SRP68: variants seen among roughly 807,000 people sequenced by gnomAD.
SRP68 encodes signal recognition particle 68.
In SRP68, 15 loss-of-function variants were observed where a neutral mutation model predicts 82.2. That is an observed-to-expected ratio of 0.18 (90% confidence interval 0.12 to 0.28). SRP68 has a LOEUF of 0.28. Ranked by LOEUF, SRP68 falls within the 10% of genes least tolerant of loss-of-function variation. The pLI is 1.00. For missense variants in SRP68, 595 were observed against 780.5 expected (o/e 0.76, Z 2.83); for synonymous variants, 261 against 292.6 (o/e 0.89, Z 1.10).
intron 6 of SRP68, 37 bp from the exon 7 acceptor site, chr17:76,060,427 G>C (rs1271386355): frequency 6.5e-7 from 1 of 1,530,456 alleles, no homozygotes; most frequent in Admixed American, 1.7e-5. Context: ...CAAGGGTCTG[G>C]TCTGTTTTCT....
chr17:76,045,696 A>C (rs2066625093), intron 11 of SRP68, among the ~76,000 whole-genome samples: 1 of 152,162 alleles, frequency 6.6e-6, no homozygotes, highest in South Asian at 2.1e-4. Context: ...GCATCTACTC[A>C]GATGCCTTGA....
In SRP68 at chr17:76,039,578, G is replaced by C. The variant is rs2066573355; in HGVS notation, c.*128C>G. Reference sequence around the variant, plus strand: ...ACAGACACAAGATGTAGGAATGCAGGGCCGAAGATGTTAAACTCTTGCCCC... The same window carrying C: ...ACAGACACAAGATGTAGGAATGCAGCGCCGAAGATGTTAAACTCTTGCCCC... On this transcript the variant is annotated 3_prime_UTR_variant, in exon 16 of 16. Transcript: ENST00000307877. 1 of 864,462 alleles carries C rather than the reference G, an allele frequency of 1.2e-6. No homozygotes were observed. The highest frequency in any genetic ancestry group is 1.8e-6 in the Non-Finnish European group (1 of 556,122). 53.5% of individuals were successfully genotyped at this position (864,462 alleles called of 1,614,324 possible). A position where few individuals can be genotyped will look rare whatever the true frequency, so the allele number is the denominator to read the frequency against.
chr17:76,051,351 G>A (rs888703792), intron 8 of SRP68, among the ~76,000 whole-genome samples: 11 of 152,294 alleles, frequency 7.2e-5, no homozygotes, highest in Admixed American at 4.6e-4. Context: ...AGGCAGAAAG[G>A]GGATGAACCT....
intron 7 of SRP68, among the ~76,000 whole-genome samples, chr17:76,058,423 T>C (rs1445659768): frequency 6.6e-6 from 1 of 152,044 alleles, no homozygotes; most frequent in Non-Finnish European, 1.5e-5. Flanking sequence ...GCCCAGCCTC[T>C]GAAAAAAATT....
Position 76,072,428 on chromosome 17 carries a change from T to TGCCACC in SRP68, c.58_63dup (p.Gly20_Gly21dup), listed in dbSNP as rs2066861755. 2.5e-6 allele frequency: 4 copies of TGCCACC among 1,585,616 alleles called. No individual in the cohort carries two copies. The highest frequency in any genetic ancestry group is 1.4e-5 in the African/African-American group (1 of 73,808). On this transcript the variant is annotated inframe_insertion, in exon 1 of 16. Coordinates refer to ENST00000307877, the MANE Select transcript of SRP68 (RefSeq NM_014230.4). The surrounding 1 kb of genome is among the most constrained non-coding windows in gnomAD (Gnocchi z 4.5). ...CCACCGCCGCTACCGCCGCCGCCAC[T>TGCCACC]GCCACCGCCGCCGCCACTGCCGCCG...
chr17:76,054,358 C>T (rs933491523), intron 8 of SRP68, among the ~76,000 whole-genome samples: 1 of 152,096 alleles, frequency 6.6e-6, no homozygotes, highest in African/African-American at 2.4e-5. Flanking sequence ...CACACCCCTA[C>T]TATGGGGACA....
rs964306994 is a variant in SRP68, at chr17:76,070,455, G to C, written c.185-11C>G. On this transcript the variant is annotated splice_polypyrimidine_tract_variant and intron_variant, in intron 1 of 15. Transcript: ENST00000307877. ...TAATAATCTGAAGAACTAGAGTCGA[G>C]ATTAAGGAAAATCTTACCATAGCAA... 30 of 1,612,222 alleles carry C rather than the reference G, an allele frequency of 1.9e-5. No homozygotes were observed. Among genetic ancestry groups the C allele is most frequent in the Non-Finnish European group, 2.5e-5 (30 of 1,178,534 alleles).
chr17:76,048,684 G>A (rs2066649546), intron 9 of SRP68: 1 of 152,206 alleles, frequency 6.6e-6, no homozygotes, highest in Non-Finnish European at 1.5e-5. Flanking sequence ...GGTTTCTAAA[G>A]GAACACAGCC....
intron 14 of SRP68, 194 bp from the exon 15 acceptor site, chr17:76,040,668 G>A: frequency 3.0e-6 from 2 of 675,708 alleles, no homozygotes; most frequent in South Asian, 1.8e-5. Context: ...CGTCGGCCCA[G>A]TGAAGCCAGC....
intron 7 of SRP68, among the ~76,000 whole-genome samples, 183 bp downstream of exon 7, chr17:76,060,125 C>CGA (rs1342909889): frequency 6.9e-5 from 2 of 28,792 alleles, no homozygotes; most frequent in African/African-American, 1.5e-4. Context: ...GACTCCATCT[C>CGA]AAAAAAAAAA....
intron 4 of SRP68, among the ~76,000 whole-genome samples, chr17:76,062,238 G>GACTGC (rs2066757700): frequency 6.7e-6 from 1 of 149,508 alleles, no homozygotes; most frequent in Non-Finnish European, 1.5e-5. Context: ...AATGGGCTGA[G>GACTGC]ACTGCACCAC....
intron 3 of SRP68, among the ~76,000 whole-genome samples, chr17:76,065,831 C>A (rs964209832): frequency 1.3e-5 from 2 of 151,800 alleles, no homozygotes; most frequent in African/African-American, 4.8e-5. Flanking sequence ...CTGTAGCATT[C>A]CCTGGTTTGC....
chr17:76,066,323 G>A (rs996536126), intron 3 of SRP68, among the ~76,000 whole-genome samples: 28 of 151,836 alleles, frequency 1.8e-4, no homozygotes, highest in African/African-American at 5.8e-4. Context: ...GTGGTGTCAC[G>A]TGCCTGTAAT....
chr17:76,046,815 C>A (rs148272292), intron 10 of SRP68, among the ~76,000 whole-genome samples: 1 of 152,026 alleles, frequency 6.6e-6, no homozygotes, highest in Non-Finnish European at 1.5e-5. Flanking sequence ...GTGGTGGGCA[C>A]CTGTAGTCCC....
chr17:76,040,587 A>G (rs1323742144), intron 14 of SRP68, 113 bp from the exon 15 acceptor site: 33 of 1,047,576 alleles, frequency 3.2e-5, no homozygotes, highest in South Asian at 5.3e-5. Context: ...AGGAGCCAGC[A>G]TGTGGGGAAG....
At chr17:76,046,422 T>C (rs531916631) in intron 10 of SRP68, among the ~76,000 whole-genome samples, 116 of 151,420 alleles carry the variant, frequency 7.7e-4, no homozygotes, top group African/African-American at 2.6e-3. Context: ...GATTTTTAGC[T>C]TGATTTATAC....
At chr17:76,062,024 T>C (rs556920308) in intron 4 of SRP68, among the ~76,000 whole-genome samples, 2 of 151,878 alleles carry the variant, frequency 1.3e-5, no homozygotes, top group South Asian at 2.1e-4. Context: ...CAGTGGCTCA[T>C]GCCTGTAATC....
intron 6 of SRP68, 47 bp downstream of exon 6, chr17:76,061,063 T>C (rs1007910503): frequency 8.8e-7 from 1 of 1,142,066 alleles, no homozygotes; most frequent in South Asian, 1.3e-5. Context: ...CAATAGGCCA[T>C]CTATCAATGT....
chr17:76,046,743 C>T (rs920164896), intron 10 of SRP68, among the ~76,000 whole-genome samples: 3 of 152,108 alleles, frequency 2.0e-5, no homozygotes, highest in African/African-American at 7.2e-5. Flanking sequence ...AGATTGAGAC[C>T]ATCCTGGCTA....
Sources: allele counts gnomAD v4.1 joint callset (sites outside exome capture counted in the v4.1 genomes callset), GRCh38; gene constraint gnomAD v4.1.1; non-coding constraint Gnocchi (gnomAD v3.1); transcripts MANE v1.5; gene names NCBI Gene and HGNC (gene_info 2026-07-23, HGNC 2026-07-21).